The following GRIK5 variants were observed in gnomAD, a reference collection of about 807,000 sequenced individuals.
GRIK5 encodes glutamate ionotropic receptor kainate type subunit 5.
GRIK5 carries 43 observed loss-of-function variants against 97.4 expected under a neutral mutation model. That is an observed-to-expected ratio of 0.44 (90% CI 0.35 to 0.57). The LOEUF (loss-of-function observed/expected upper bound fraction) is 0.57, where lower values mean the gene tolerates loss of function less well. GRIK5 is among the 20% of genes least tolerant of loss of function. The pLI, the probability that GRIK5 is intolerant of heterozygous loss-of-function variation, is 0.01. For missense variants in GRIK5, 1,015 were observed against 1,382.0 expected (o/e 0.73, Z 4.21); for synonymous variants, 580 against 583.5 (o/e 0.99, Z 0.09).
intron 15 of GRIK5, among the ~76,000 whole-genome samples, chr19:42,013,449 G>T (rs545672755): frequency 8.5e-6 from 1 of 117,798 alleles, no homozygotes; most frequent in Non-Finnish European, 1.6e-5. Flanking sequence ...TTGCTCTGTC[G>T]CCCAGGCTGG....
chr19:42,019,049 G>A (rs1325138066), intron 15 of GRIK5, among the ~76,000 whole-genome samples: 1 of 152,196 alleles, frequency 6.6e-6, no homozygotes, highest in Non-Finnish European at 1.5e-5. Flanking sequence ...GGGAACATGA[G>A]TGGGGGCTGT....
chr19:42,051,792 C>G (rs1304889385), intron 11 of GRIK5, among the ~76,000 whole-genome samples: 1 of 152,188 alleles, frequency 6.6e-6, no homozygotes, highest in Admixed American at 6.5e-5. Flanking sequence ...CTGTTGCCTC[C>G]CTGTTCAACC....
chr19:42,033,872 C>T lies in GRIK5; in HGVS notation c.1473+8680G>A, dbSNP rs183816429. On this transcript the variant is annotated intron_variant, in intron 12 of 19. Coordinates refer to ENST00000593562, the MANE Select transcript of GRIK5 (RefSeq NM_002088.5). ...AAAATTAGCCAGGCATGGTGGTGTG[C>T]GCCTGTAATTCCAGCTATTTGGGTG... Among the ~76,000 whole-genome samples, 181 of 152,176 alleles carry T rather than the reference C, an allele frequency of 1.2e-3. 1 individual carries two copies. Among genetic ancestry groups the T allele is most frequent in the Non-Finnish European group, 2.1e-3 (143 of 68,016 alleles).
Position 41,999,033 on chromosome 19 carries a change from G to A in GRIK5, c.2781C>T (p.Cys927=). The A allele has an allele frequency of 6.5e-6, 8 of 1,234,000 alleles. No individual in the cohort carries two copies. The highest frequency in any genetic ancestry group is 1.6e-5 in the African/African-American group (1 of 62,646). The allele number at this position is 1,234,000 out of a possible 1,614,324, so 76.4% of individuals were successfully genotyped here. The change falls in exon 20 of 20, where the codon TGC becomes TGT. Residue 927 remains cysteine (C), a synonymous_variant. Transcript: ENST00000593562. This position sits in a 1 kb window ranked among gnomAD's most constrained non-coding sequence, Gnocchi z 5.0. Reference sequence around the variant, plus strand: ...ACTCCTGGCAGACGCGCACGTGGGTGCAGGGGGTGGGGGCGGCGGGTCGGG... The same window carrying A: ...ACTCCTGGCAGACGCGCACGTGGGTACAGGGGGTGGGGGCGGCGGGTCGGG... ...SGARPAAPTP[C]THVRVCQECR...
Position 42,005,904 on chromosome 19 carries a change from C to T in GRIK5, c.2082G>A (p.Gln694=). Residue 694 remains glutamine (Q), a synonymous_variant, in exon 17 of 20, where the codon CAG becomes CAA. Transcript: ENST00000593562. Reference sequence around the variant, plus strand: ...TGACGAACACGCTGGGCTGCTTCGACTGCATGTAGTTCCACATGCGCTGGT... The same window carrying T: ...TGACGAACACGCTGGGCTGCTTCGATTGCATGTAGTTCCACATGCGCTGGT... ...QTYQRMWNYM[Q]SKQPSVFVKS... 6.2e-7 allele frequency: 1 copy of T among 1,607,664 alleles called. No homozygotes were observed. Among genetic ancestry groups the T allele is most frequent in the Non-Finnish European group, 8.5e-7 (1 of 1,175,556 alleles).
chr19:42,046,355 C>G (rs1240635406), intron 11 of GRIK5, among the ~76,000 whole-genome samples: 2 of 152,130 alleles, frequency 1.3e-5, no homozygotes, highest in Admixed American at 6.5e-5. Context: ...GAGTCACAGA[C>G]TATCAGAACA....
At chr19:42,068,942 G>A (rs752356294) in intron 1 of GRIK5, 25 of 631,426 alleles carry the variant, frequency 4.0e-5, no homozygotes, top group African/African-American at 1.1e-4. Flanking sequence ...GCAGGGGCAC[G>A]GACATGCCAG....
At chr19:42,061,796 C>G (rs1055430966) in intron 5 of GRIK5, among the ~76,000 whole-genome samples, 2 of 152,178 alleles carry the variant, frequency 1.3e-5, no homozygotes, top group Non-Finnish European at 2.9e-5. Flanking sequence ...TGCCACCCCT[C>G]TTGTCACTCT....
chr19:42,016,238 G>A (rs2075622102), intron 15 of GRIK5, among the ~76,000 whole-genome samples: 1 of 152,162 alleles, frequency 6.6e-6, no homozygotes, highest in Non-Finnish European at 1.5e-5. Flanking sequence ...TGGCCAACAT[G>A]ATGAAACCCC....
At chr19:42,050,212 G>A (rs2076095299) in intron 11 of GRIK5, among the ~76,000 whole-genome samples, 1 of 152,102 alleles carries the variant, frequency 6.6e-6, no homozygotes, top group Non-Finnish European at 1.5e-5. Context: ...TTACAGGTGT[G>A]AACCACCATG....
chr19:42,065,681 G>A lies in GRIK5; in HGVS notation c.79+11C>T, dbSNP rs1234565671. 1 of 1,568,638 alleles carries A rather than the reference G, an allele frequency of 6.4e-7. No individual in the cohort carries two copies. ...CTGAGGATGCAGGGGCAGGGTGCGGGAGGGCCTCACCCATGCGCAGTGATG... is the reference window on the plus strand; with the variant it reads ...CTGAGGATGCAGGGGCAGGGTGCGGAAGGGCCTCACCCATGCGCAGTGATG... On this transcript the variant is annotated intron_variant, in intron 2 of 19. Transcript: ENST00000593562. The surrounding 1 kb of genome is among the most constrained non-coding windows in gnomAD (Gnocchi z 5.8).
Position 42,065,524 on chromosome 19 carries a change from G to T in GRIK5, c.80-137C>A. ...AGACACCTGGATCTGAGGTTGGTGG[G>T]AGCTAGGGGTCTGGACTCCTGGGTC... On this transcript the variant is annotated intron_variant, in intron 2 of 19. Transcript: ENST00000593562. This position sits in a 1 kb window ranked among gnomAD's most constrained non-coding sequence, Gnocchi z 5.8. The T allele has an allele frequency of 9.8e-7, 1 of 1,017,526 alleles. No individual in the cohort carries two copies. Among genetic ancestry groups the T allele is most frequent in the South Asian group, 1.6e-5 (1 of 61,000 alleles). The allele number at this position is 1,017,526 out of a possible 1,614,324, so 63.0% of individuals were successfully genotyped here.
intron 1 of GRIK5, 84 bp downstream of exon 1, chr19:42,069,157 G>A (rs1315845819): frequency 7.5e-6 from 3 of 398,292 alleles, no homozygotes; most frequent in Non-Finnish European, 1.3e-5. Flanking sequence ...CGGGGAGAAT[G>A]TGGTGCCCCC....
chr19:42,007,306 G>GA, intron 15 of GRIK5, among the ~76,000 whole-genome samples: 1 of 151,848 alleles, frequency 6.6e-6, no homozygotes, highest in South Asian at 2.1e-4. Flanking sequence ...TGTTGGCCAG[G>GA]CTGGTCTCGA....
At chr19:42,033,003 C>A (rs1430471182) in intron 12 of GRIK5, among the ~76,000 whole-genome samples, 2 of 152,176 alleles carry the variant, frequency 1.3e-5, no homozygotes, top group African/African-American at 4.8e-5. Flanking sequence ...CCTATGCATA[C>A]AATGGAATAT....
intron 12 of GRIK5, among the ~76,000 whole-genome samples, chr19:42,031,668 C>T (rs2075842511): frequency 6.6e-6 from 1 of 152,198 alleles, no homozygotes; most frequent in African/African-American, 2.4e-5. Context: ...GATAAAAACA[C>T]TCAATGCTGA....
intron 1 of GRIK5, among the ~76,000 whole-genome samples, chr19:42,068,283 T>G (rs961602168): frequency 2.6e-5 from 4 of 151,762 alleles, no homozygotes; most frequent in South Asian, 2.1e-4. Context: ...CACAGAGGCA[T>G]AGCCACCCCA....
chr19:42,043,863 C>T (rs779271499), intron 11 of GRIK5, among the ~76,000 whole-genome samples: 7 of 152,118 alleles, frequency 4.6e-5, no homozygotes, highest in Admixed American at 3.3e-4. Flanking sequence ...TGAGCTATGA[C>T]TGTACCACTG....
chr19:42,070,133 C>T lies in GRIK5; in HGVS notation c.-943G>A, dbSNP rs1251888106. On this transcript the variant is annotated 5_prime_UTR_variant, in exon 1 of 20. Coordinates refer to ENST00000593562, the MANE Select transcript of GRIK5 (RefSeq NM_002088.5). ...CTGCCTCCCTGCCGCTGGCTGCCGCCACCGCTCAGTCTCCCCTCCGAGGCC... is the reference window on the plus strand; with the variant it reads ...CTGCCTCCCTGCCGCTGGCTGCCGCTACCGCTCAGTCTCCCCTCCGAGGCC... Among the ~76,000 whole-genome samples, 2 of 152,080 alleles carry T rather than the reference C, an allele frequency of 1.3e-5. No individual in the cohort carries two copies. The highest frequency in any genetic ancestry group is 4.8e-5 in the African/African-American group (2 of 41,408).
Sources: allele counts gnomAD v4.1 joint callset (sites outside exome capture counted in the v4.1 genomes callset), GRCh38; gene constraint gnomAD v4.1.1; non-coding constraint Gnocchi (gnomAD v3.1); transcripts MANE v1.5; gene names NCBI Gene and HGNC (gene_info 2026-07-23, HGNC 2026-07-21).